NPEPPS: variants seen among roughly 807,000 people sequenced by gnomAD.
NPEPPS encodes puromycin-sensitive aminopeptidase.
A neutral mutation model predicts 115.5 loss-of-function variants in NPEPPS; 14 were observed. The ratio of observed to expected loss-of-function variants is 0.12; its 90% CI spans 0.08 to 0.19. The LOEUF is 0.19. Among genes scored for constraint, NPEPPS ranks in the 10% least tolerant of loss-of-function variants. The pLI is 1.00. For synonymous variants in NPEPPS, 285 were observed against 390.6 expected, an observed-to-expected ratio of 0.73 and a Z score of 3.19; for missense variants, 523 against 1,110.8, an observed-to-expected ratio of 0.47 and a Z score of 7.52.
chr17:47,526,175 G>C (rs187938276), upstream of NPEPPS, among the ~76,000 whole-genome samples: 7 of 152,266 alleles, frequency 4.6e-5, no homozygotes, highest in Admixed American at 4.6e-4. Context: ...TTGTGCCATT[G>C]CACTCCAGCC....
chr17:47,560,897 T>A (rs956668907), intron 2 of NPEPPS, among the ~76,000 whole-genome samples: 1 of 152,220 alleles, frequency 6.6e-6, no homozygotes, highest in Non-Finnish European at 1.5e-5. Flanking sequence ...TATAGAATTA[T>A]GTGGTTTAGA....
At position 47,622,055 on chromosome 17, in the gene NPEPPS, A is replaced by C; in HGVS notation, c.*135A>C. On this transcript the variant is annotated 3_prime_UTR_variant, in exon 23 of 23. Transcript: ENST00000322157. ...TGGGGGTTGGACAATGAATGTAGTT[A>C]ACTGGTTCCTGCTCACACTCCAGAA... 7.6e-7 allele frequency: 1 copy of C among 1,314,590 alleles called. No homozygotes were observed. The highest frequency in any genetic ancestry group is 9.7e-7 in the Non-Finnish European group (1 of 1,027,600). The allele number at this position is 1,314,590 out of a possible 1,614,324, so 81.4% of individuals were successfully genotyped here.
chr17:47,595,739 T>C (rs1912821492), intron 12 of NPEPPS, among the ~76,000 whole-genome samples: 1 of 151,792 alleles, frequency 6.6e-6, no homozygotes, highest in South Asian at 2.1e-4. Context: ...TCCCAGCACT[T>C]TGGGAGGCCG....
At chr17:47,524,061 T>C (rs1427064631) in intron 1 of NPEPPS, among the ~76,000 whole-genome samples, 1 of 150,788 alleles carries the variant, frequency 6.6e-6, no homozygotes, top group East Asian at 1.9e-4. Flanking sequence ...ATCCCTGCAC[T>C]TTGGGAGGCT....
intron 2 of NPEPPS, among the ~76,000 whole-genome samples, chr17:47,556,892 G>T (rs935792142): frequency 6.6e-6 from 1 of 152,152 alleles, no homozygotes; most frequent in Admixed American, 6.5e-5. Flanking sequence ...TCCACCTGCC[G>T]TGGTCTCCCA....
intron 9 of NPEPPS, among the ~76,000 whole-genome samples, chr17:47,589,139 G>T (rs1158595786): frequency 1.3e-5 from 2 of 151,882 alleles, no homozygotes; most frequent in Non-Finnish European, 2.9e-5. Flanking sequence ...TAGAGACAGG[G>T]TTTCACTTTG....
At chr17:47,592,881 T>C (rs1912599082) in intron 12 of NPEPPS, among the ~76,000 whole-genome samples, 1 of 152,096 alleles carries the variant, frequency 6.6e-6, no homozygotes, top group Non-Finnish European at 1.5e-5. Flanking sequence ...ATTAGGTATT[T>C]CTCCTAATGC....
intron 4 of NPEPPS, chr17:47,580,263 A>G (rs1040553904): frequency 2.0e-5 from 3 of 152,036 alleles, no homozygotes; most frequent in African/African-American, 7.2e-5. Context: ...TCTTTCAATA[A>G]TTTTATGTTA....
intron 1 of NPEPPS, among the ~76,000 whole-genome samples, chr17:47,532,964 C>G (rs1042620933): frequency 7.2e-5 from 11 of 152,114 alleles, no homozygotes; most frequent in Admixed American, 2.6e-4. Context: ...TCTCTTCCTA[C>G]TGCAGTCTGG....
At chr17:47,592,668 T>C (rs1912581430) in intron 12 of NPEPPS, 123 bp downstream of exon 12, 1 of 865,048 alleles carries the variant, frequency 1.2e-6, no homozygotes, top group Non-Finnish European at 1.7e-6. Context: ...AAATTAGCCT[T>C]ATTTGAAGCT....
At chr17:47,609,317 G>A (rs1913705339) in intron 17 of NPEPPS, among the ~76,000 whole-genome samples, 1 of 152,156 alleles carries the variant, frequency 6.6e-6, no homozygotes, top group Non-Finnish European at 1.5e-5. Flanking sequence ...ACAGATGCAG[G>A]TAAATTAATG....
chr17:47,543,510 A>T (rs1366477803), intron 1 of NPEPPS, among the ~76,000 whole-genome samples: 2 of 137,408 alleles, frequency 1.5e-5, no homozygotes, highest in African/African-American at 2.8e-5. Flanking sequence ...TTTTTTTAGT[A>T]GAAATGGGGT....
At chr17:47,544,190 G>A (rs962526406) in intron 1 of NPEPPS, among the ~76,000 whole-genome samples, 5 of 151,994 alleles carry the variant, frequency 3.3e-5, no homozygotes, top group African/African-American at 7.2e-5. Context: ...CACCGTGCCC[G>A]GCCTTAATTT....
chr17:47,585,953 A>C (rs1247634065), intron 6 of NPEPPS, 195 bp from the exon 7 acceptor site: 1 of 567,650 alleles, frequency 1.8e-6, no homozygotes, highest in Non-Finnish European at 3.1e-6. Context: ...TTTTCATATC[A>C]AGTTATAAAT....
intron 12 of NPEPPS, among the ~76,000 whole-genome samples, chr17:47,594,565 C>T (rs1912725616): frequency 6.7e-6 from 1 of 149,504 alleles, no homozygotes; most frequent in South Asian, 2.2e-4. Context: ...CATGTGCCAC[C>T]ACGGCCGGCT....
Position 47,622,237 on chromosome 17 carries a change from G to C in NPEPPS, c.*317G>C. ...AAGTATTTAACACTCTACTGTTAAT[G>C]ACAGATGTTCTGTTTTTATAACCTA... On this transcript the variant is annotated 3_prime_UTR_variant, in exon 23 of 23. Coordinates refer to ENST00000322157, the MANE Select transcript of NPEPPS (RefSeq NM_006310.4). The C allele has an allele frequency of 3.0e-6, 1 of 337,150 alleles. No homozygotes were observed. The highest frequency in any genetic ancestry group is 4.4e-6 in the Non-Finnish European group (1 of 228,238). The allele number at this position is 337,150 out of a possible 1,614,324, so 20.9% of individuals were successfully genotyped here. A position where few individuals can be genotyped will look rare whatever the true frequency, so the allele number is the denominator to read the frequency against.
chr17:47,538,004 C>T (rs1908432060), intron 1 of NPEPPS, among the ~76,000 whole-genome samples: 1 of 151,060 alleles, frequency 6.6e-6, no homozygotes, highest in African/African-American at 2.4e-5. Flanking sequence ...GGCAGTTCTC[C>T]TGCTTCAGCC....
chr17:47,575,384 C>CT (rs1911452877), intron 3 of NPEPPS, among the ~76,000 whole-genome samples: 1 of 151,824 alleles, frequency 6.6e-6, no homozygotes, highest in Non-Finnish European at 1.5e-5. Flanking sequence ...TTGATAAGGT[C>CT]TGTTTACAGC....
intron 1 of NPEPPS, among the ~76,000 whole-genome samples, chr17:47,523,417 G>C (rs1041324537): frequency 6.6e-6 from 1 of 150,794 alleles, no homozygotes; most frequent in African/African-American, 2.4e-5. Context: ...AAAATAATAG[G>C]CTTTTTTTTT....
Sources: allele counts gnomAD v4.1 joint callset (sites outside exome capture counted in the v4.1 genomes callset), GRCh38; gene constraint gnomAD v4.1.1; transcripts MANE v1.5; gene names NCBI Gene and HGNC (gene_info 2026-07-23, HGNC 2026-07-21).